SPG11: variants seen among roughly 807,000 people sequenced by gnomAD.
SPG11 encodes spatacsin.
SPG11 carries 222 observed loss-of-function variants against 274.0 expected under a neutral mutation model. That is an observed-to-expected ratio of 0.81 (90% CI 0.73 to 0.91). The LOEUF is 0.91. SPG11 is among the 40% of genes least tolerant of loss of function. The probability of loss-of-function intolerance (pLI) is 0.00; values close to 1 mark genes in which losing one functional copy is unlikely to be tolerated. For missense variants in SPG11, 3,114 were observed against 2,872.7 expected (o/e 1.08, Z -1.92); for synonymous variants, 1,144 against 1,039.7 (o/e 1.10, Z -1.93).
intron 30 of SPG11, among the ~76,000 whole-genome samples, chr15:44,578,567 TG>T (rs1336862955): frequency 6.6e-6 from 1 of 152,164 alleles, no homozygotes; most frequent in Admixed American, 6.5e-5. Flanking sequence ...TACATTTTTA[TG>T]AACTACAGGG....
intron 7 of SPG11, among the ~76,000 whole-genome samples, chr15:44,647,138 G>A (rs1481600388): frequency 6.6e-6 from 1 of 152,104 alleles, no homozygotes; most frequent in East Asian, 1.9e-4. Context: ...CTCCAAAGAC[G>A]ACACACAAAT....
At chr15:44,577,972 T>C (rs1313391954) in intron 30 of SPG11, among the ~76,000 whole-genome samples, 1 of 150,688 alleles carries the variant, frequency 6.6e-6, no homozygotes, top group Non-Finnish European at 1.5e-5. Context: ...GAGGCTGCAG[T>C]GACAGCAGGC....
Position 44,578,021 on chromosome 15 carries a change from T to C in SPG11, c.5867-2980A>G, listed in dbSNP as rs1253661787. Among the ~76,000 whole-genome samples, 867 of 124,732 alleles carry C rather than the reference T, an allele frequency of 7.0e-3. 25 individuals carry two copies. Among genetic ancestry groups the C allele is most frequent in the African/African-American group, 0.028 (799 of 28,774 alleles). 81.8% of individuals were successfully genotyped at this position (124,732 alleles called of 152,430 possible). A position where few individuals can be genotyped will look rare whatever the true frequency, so the allele number is the denominator to read the frequency against. On this transcript the variant is annotated intron_variant, in intron 30 of 39. Transcript: ENST00000261866. ...CTCAGAAAGGGGAGCCTTCTTTCCTTTTTTTTTTTTTTTTTTTTTTTGAGA... is the reference window on the plus strand; with the variant it reads ...CTCAGAAAGGGGAGCCTTCTTTCCTCTTTTTTTTTTTTTTTTTTTTTGAGA...
At position 44,578,014 on chromosome 15, in the gene SPG11, C is replaced by CT. The variant is rs1262053481; in HGVS notation, c.5867-2974dup. 2.5e-3 allele frequency among the ~76,000 whole-genome samples: 332 copies of CT among 133,730 alleles called. 13 individuals carry two copies. The East Asian group carries it at 0.046, about 19-fold the overall frequency. 87.7% of individuals were successfully genotyped at this position (133,730 alleles called of 152,430 possible). On this transcript the variant is annotated intron_variant, in intron 30 of 39. Coordinates refer to ENST00000261866, the MANE Select transcript of SPG11 (RefSeq NM_025137.4). ...TAAGGCTCTCAGAAAGGGGAGCCTTCTTTCCTTTTTTTTTTTTTTTTTTTT... is the reference window on the plus strand; with the variant it reads ...TAAGGCTCTCAGAAAGGGGAGCCTTCTTTTCCTTTTTTTTTTTTTTTTTTTT...
intron 30 of SPG11, among the ~76,000 whole-genome samples, chr15:44,577,614 C>T (rs2140936165): frequency 6.6e-6 from 1 of 152,140 alleles, no homozygotes; most frequent in South Asian, 2.1e-4. Flanking sequence ...CTGAGAGTTC[C>T]AATTCTAGGT....
rs886051179 is a variant in SPG11 at position 44,573,730 on chromosome 15, AG to A, written c.6021del (p.Tyr2008ThrfsTer50). On this transcript the variant is annotated frameshift_variant, in exon 32 of 40. Transcript: ENST00000261866. LOFTEE classifies it high-confidence loss of function. ...LYDLAKELGC[S>X]YTDVAAQDGE... is the part of the protein sequence containing the mutation. Reference sequence around the variant, plus strand: ...CCATCCTGAGCAGCAACATCTGTGTAGGAACAGCCCAACTCCTGAGAGGAAG... The same window carrying A: ...CCATCCTGAGCAGCAACATCTGTGTAGAACAGCCCAACTCCTGAGAGGAAG... 6.8e-6 allele frequency: 11 copies of A among 1,614,090 alleles called. No individual in the cohort carries two copies. The highest frequency in any genetic ancestry group is 9.3e-6 in the Non-Finnish European group (11 of 1,180,036).
intron 12 of SPG11, 34 bp downstream of exon 12, chr15:44,622,694 A>C (rs759685990): frequency 1.3e-6 from 2 of 1,535,476 alleles, no homozygotes; most frequent in Non-Finnish European, 1.8e-6. Flanking sequence ...GGCTTTCTAG[A>C]AAATGTATAC....
At position 44,601,010 on chromosome 15, in the gene SPG11, G is replaced by A. The variant is rs190762675; in HGVS notation, c.3521-378C>T. Reference sequence around the variant, plus strand: ...TCTACTAAAAATACAAAATTAGCCAGATGTGGCGGTGCATGCCTGTAATCC... The same window carrying A: ...TCTACTAAAAATACAAAATTAGCCAAATGTGGCGGTGCATGCCTGTAATCC... On this transcript the variant is annotated intron_variant, in intron 20 of 39. Transcript: ENST00000261866. 2.0e-5 allele frequency among the ~76,000 whole-genome samples: 3 copies of A among 152,182 alleles called. No individual in the cohort carries two copies. The East Asian group carries it at 5.8e-4, about 29-fold the overall frequency.
At chr15:44,614,799 A>AT (rs1383214244) in intron 16 of SPG11, among the ~76,000 whole-genome samples, 2 of 152,234 alleles carry the variant, frequency 1.3e-5, no homozygotes, top group African/African-American at 4.8e-5. Flanking sequence ...ACACTCACAT[A>AT]TTAAAGACTA....
At chr15:44,628,927 T>C (rs1464512657) in intron 9 of SPG11, 83 bp from the exon 10 acceptor site, 1 of 1,367,520 alleles carries the variant, frequency 7.3e-7, no homozygotes. Flanking sequence ...CTAAAGAAAG[T>C]CAAAATTCAA....
At chr15:44,658,002 G>T (rs1288745434) in intron 3 of SPG11, among the ~76,000 whole-genome samples, 1 of 152,218 alleles carries the variant, frequency 6.6e-6, no homozygotes, top group African/African-American at 2.4e-5. Flanking sequence ...ACTCCAGCCT[G>T]GGTGAGAGTG....
chr15:44,660,238 A>G (rs926263344), intron 2 of SPG11, among the ~76,000 whole-genome samples, 194 bp downstream of exon 2: 2 of 152,210 alleles, frequency 1.3e-5, no homozygotes, highest in Non-Finnish European at 1.5e-5. Flanking sequence ...TCAAAATCTA[A>G]TATGTATATG....
Position 44,593,436 on chromosome 15 carries a change from C to T in SPG11, c.4636-998G>A, listed in dbSNP as rs943134383. On this transcript the variant is annotated intron_variant, in intron 26 of 39. Transcript: ENST00000261866. ...AACTCTTGGACTCAAGTGATCCATC[C>T]GCCTAGGCTTCCCAAAGGGCTGGCA... Among the ~76,000 whole-genome samples, 56 of 152,164 alleles carry T rather than the reference C, an allele frequency of 3.7e-4. 1 individual carries two copies. Among genetic ancestry groups the T allele is most frequent in the South Asian group, 2.1e-4 (1 of 4,834 alleles).
At position 44,584,631 on chromosome 15, in the gene SPG11, G is replaced by T. The variant is rs959341316; in HGVS notation, c.5122-73C>A. On this transcript the variant is annotated intron_variant, in intron 29 of 39. Transcript: ENST00000261866. ...TATCATAAATGCTAATGTTCCCTAAGTATATCATACTTGTTTGGACAGGGT... is the reference window on the plus strand; with the variant it reads ...TATCATAAATGCTAATGTTCCCTAATTATATCATACTTGTTTGGACAGGGT... The T allele has an allele frequency of 2.6e-6, 4 of 1,546,012 alleles. No individual in the cohort carries two copies. In the South Asian group the frequency reaches 4.5e-5, roughly 17 times the overall value.
In SPG11 at chr15:44,566,302, T is replaced by C. The variant is rs761230564; in HGVS notation, c.6758A>G (p.Asp2253Gly). ...LKLIESQPWE[D>G]SLKDGHQLKQ... ...CAGCTGGTGCCCATCCTTGAGGCTGTCCTCTGTAGGGGAAATAAAGAAGAT... is the reference window on the plus strand; with the variant it reads ...CAGCTGGTGCCCATCCTTGAGGCTGCCCTCTGTAGGGGAAATAAAGAAGAT... Residue 2253 changes from aspartate to glycine, a missense_variant, in exon 37 of 40, where the codon GAC (aspartate) becomes GGC (glycine). Physicochemically the swap from Asp to Gly is moderately conservative, Grantham distance 94. Transcript: ENST00000261866. 3 of 1,613,984 alleles carry C rather than the reference T, an allele frequency of 1.9e-6. No individual in the cohort carries two copies. Among genetic ancestry groups the C allele is most frequent in the Non-Finnish European group, 2.5e-6 (3 of 1,179,966 alleles).
intron 27 of SPG11, among the ~76,000 whole-genome samples, chr15:44,591,917 C>T (rs2082908727): frequency 6.6e-6 from 1 of 152,092 alleles, no homozygotes; most frequent in African/African-American, 2.4e-5. Flanking sequence ...CAAGACCAGC[C>T]TGACCAACAT....
In SPG11 at chr15:44,643,429, A is replaced by G. The variant is rs62024988; in HGVS notation, c.1602+5437T>C. 5.2e-3 allele frequency among the ~76,000 whole-genome samples: 786 copies of G among 152,338 alleles called. 4 individuals carry two copies. The highest frequency in any genetic ancestry group is 0.023 in the South Asian group (113 of 4,826). On this transcript the variant is annotated intron_variant, in intron 7 of 39. Coordinates refer to ENST00000261866, the MANE Select transcript of SPG11 (RefSeq NM_025137.4). ...TTCTTACAATGATATTTTAGAGTAT[A>G]TAAAAATAAGTTTTTCAACAAATGG... is the stretch of plus-strand genomic sequence containing the variant.
chr15:44,582,551 A>T (rs2082677660), intron 30 of SPG11, among the ~76,000 whole-genome samples: 1 of 152,190 alleles, frequency 6.6e-6, no homozygotes, highest in Admixed American at 6.6e-5. Context: ...CCATCTCAAA[A>T]ACAAAAACAG....
chr15:44,608,446 G>GA lies in SPG11; in HGVS notation c.3450dup (p.Gln1151SerfsTer7). On this transcript the variant is annotated frameshift_variant, in exon 19 of 40. Transcript: ENST00000261866. LOFTEE classifies it high-confidence loss of function. ...TATTGGCCACCTAAATACTGTACCT[G>GA]AATAAGGTGGTAGATTGTAATATCA... The GA allele has an allele frequency of 6.2e-7, 1 of 1,613,990 alleles. No individual in the cohort carries two copies. The highest frequency in any genetic ancestry group is 1.3e-5 in the African/African-American group (1 of 75,034).
Sources: gnomAD v4.1 joint callset for allele counts (sites outside exome capture counted in the v4.1 genomes callset) on GRCh38, gnomAD v4.1.1 for gene constraint, MANE v1.5 for transcripts, NCBI Gene and HGNC (gene_info 2026-07-23, HGNC 2026-07-21) for gene names.